The following NAV2 variants were observed in gnomAD, a reference collection of about 807,000 sequenced individuals.
NAV2 encodes helicase, APC down-regulated 1.
A neutral mutation model predicts 223.2 loss-of-function variants in NAV2; 54 were observed. That is an observed-to-expected ratio of 0.24 (90% CI 0.19 to 0.30). NAV2 has a LOEUF of 0.30. Among genes scored for constraint, NAV2 ranks in the 10% least tolerant of loss-of-function variants. NAV2 has a pLI of 1.00. For missense variants in NAV2, 2,806 were observed against 3,147.5 expected (o/e 0.89, Z 2.60); for synonymous variants, 1,279 against 1,239.3 (o/e 1.03, Z -0.67).
rs536315817 is a variant in NAV2 at position 20,086,982 on chromosome 11, G to T, written c.5498+3803G>T. 2.4e-4 allele frequency among the ~76,000 whole-genome samples: 36 copies of T among 152,270 alleles called. No individual in the cohort carries two copies. In the South Asian group the frequency reaches 5.6e-3, roughly 24 times the overall value. The stretch of plus-strand genomic sequence containing the variant: ...ACTTATTGGTGGTGTCGAAAGCTGG[G>T]CAACTGGAAGAGTTCTCCAAGGGGT... On this transcript the variant is annotated intron_variant, in intron 26 of 37. Transcript: ENST00000349880.
intron 2 of NAV2, among the ~76,000 whole-genome samples, chr11:19,840,174 A>G (rs1565408126): frequency 6.6e-6 from 1 of 152,202 alleles, no homozygotes; most frequent in African/African-American, 2.4e-5. Context: ...TTGAGATTGG[A>G]TTAGTCATTT....
chr11:19,464,881 A>C (rs549939078), intron 1 of NAV2, among the ~76,000 whole-genome samples: 2 of 152,240 alleles, frequency 1.3e-5, no homozygotes, highest in Non-Finnish European at 2.9e-5. Flanking sequence ...TTTAATTTGA[A>C]GATAACTTTC....
chr11:19,563,111 A>C (rs2045155407), intron 1 of NAV2, among the ~76,000 whole-genome samples: 1 of 152,246 alleles, frequency 6.6e-6, no homozygotes, highest in Non-Finnish European at 1.5e-5. Context: ...GGAAAACAAA[A>C]GAAATACAAA....
intron 14 of NAV2, among the ~76,000 whole-genome samples, chr11:20,048,179 C>T (rs958104784): frequency 7.2e-5 from 11 of 152,260 alleles, no homozygotes; most frequent in African/African-American, 2.2e-4. Context: ...TTTCCAGTTG[C>T]GTTTTCTATT....
intron 3 of NAV2, among the ~76,000 whole-genome samples, chr11:19,863,424 G>C (rs761771387): frequency 1.3e-4 from 20 of 152,110 alleles, no homozygotes; most frequent in Non-Finnish European, 2.1e-4. Context: ...GGCTTGGTAG[G>C]TTCTTATTCT....
intron 1 of NAV2, among the ~76,000 whole-genome samples, chr11:19,626,622 A>G (rs1339950053): frequency 6.6e-6 from 1 of 152,132 alleles, no homozygotes; most frequent in Non-Finnish European, 1.5e-5. Flanking sequence ...TTTGGGTAGT[A>G]TTGTCATTTT....
intron 3 of NAV2, among the ~76,000 whole-genome samples, chr11:19,860,391 C>A (rs372896863): frequency 7.1e-6 from 1 of 140,262 alleles, no homozygotes; most frequent in Non-Finnish European, 1.6e-5. Context: ...ACATCCCGGA[C>A]GGGGCGACAG....
At chr11:20,106,179 GTGTGTATATATATATA>G (rs2062046210) in intron 35 of NAV2, among the ~76,000 whole-genome samples, 4 of 14,688 alleles carry the variant, frequency 2.7e-4, no homozygotes, top group African/African-American at 5.7e-4. Flanking sequence ...ATATATATGT[GTGTGTATATATATATA>G]TATATATATA....
intron 6 of NAV2, among the ~76,000 whole-genome samples, chr11:19,905,351 A>G (rs1410176644): frequency 7.1e-6 from 1 of 140,168 alleles, no homozygotes; most frequent in Non-Finnish European, 1.5e-5. Flanking sequence ...GGTTTCCACC[A>G]TTTAACACTT....
At chr11:19,920,370 C>T (rs1476763165) in intron 6 of NAV2, among the ~76,000 whole-genome samples, 1 of 152,230 alleles carries the variant, frequency 6.6e-6, no homozygotes, top group African/African-American at 2.4e-5. Context: ...TCACTGCAAC[C>T]TCTGCCTCCC....
At chr11:19,787,493 C>A (rs1234781263) in intron 1 of NAV2, among the ~76,000 whole-genome samples, 1 of 151,764 alleles carries the variant, frequency 6.6e-6, no homozygotes, top group Non-Finnish European at 1.5e-5. Context: ...CAGAGGGAGG[C>A]CATTTGTGTA....
intron 1 of NAV2, chr11:19,575,260 T>G (rs2045540102): frequency 6.5e-6 from 1 of 154,246 alleles, no homozygotes; most frequent in Non-Finnish European, 1.5e-5. Flanking sequence ...TTAGCAGTGA[T>G]TAACCCCAAA....
chr11:19,627,591 A>G (rs2047207166), intron 1 of NAV2, among the ~76,000 whole-genome samples: 1 of 152,176 alleles, frequency 6.6e-6, no homozygotes, highest in African/African-American at 2.4e-5. Flanking sequence ...CCTTTAAGTG[A>G]GACCTTTACC....
intron 1 of NAV2, among the ~76,000 whole-genome samples, chr11:19,801,751 C>T (rs1273736663): frequency 1.3e-5 from 2 of 152,168 alleles, no homozygotes; most frequent in South Asian, 2.1e-4. Flanking sequence ...CACTTACTAG[C>T]TCTGTAACCT....
At chr11:19,519,897 G>A (rs1376270339) in intron 1 of NAV2, 1 of 152,258 alleles carries the variant, frequency 6.6e-6, no homozygotes, top group Non-Finnish European at 1.5e-5. Flanking sequence ...GCTGGAATCT[G>A]TGAAGCGCGT....
At chr11:19,897,483 A>G (rs2042085255) in intron 6 of NAV2, among the ~76,000 whole-genome samples, 1 of 152,156 alleles carries the variant, frequency 6.6e-6, no homozygotes, top group Admixed American at 6.5e-5. Context: ...TCTTAAAATC[A>G]TGCCCCCTCC....
chr11:19,860,064 T>C (rs74993926), intron 3 of NAV2, among the ~76,000 whole-genome samples: 828 of 18,860 alleles, frequency 0.044, 26 homozygotes, highest in African/African-American at 0.064. Flanking sequence ...AACTCCCTCC[T>C]GGACGGGGCG....
chr11:19,949,760 G>A (rs186369303), intron 10 of NAV2, among the ~76,000 whole-genome samples: 122 of 152,298 alleles, frequency 8.0e-4, no homozygotes, highest in African/African-American at 4.1e-4. Context: ...CCTCCTACTT[G>A]CAGCAGTAAG....
At chr11:19,781,766 T>C (rs1395833930) in intron 1 of NAV2, among the ~76,000 whole-genome samples, 1 of 152,144 alleles carries the variant, frequency 6.6e-6, no homozygotes, top group East Asian at 1.9e-4. Flanking sequence ...TAGCTTTTTT[T>C]TTTTTAATCC....
Sources: allele counts gnomAD v4.1 joint callset (sites outside exome capture counted in the v4.1 genomes callset), GRCh38; gene constraint gnomAD v4.1.1; transcripts MANE v1.5; gene names NCBI Gene and HGNC (gene_info 2026-07-23, HGNC 2026-07-21).